The following PLCB1 variants were observed in gnomAD, a reference collection of about 807,000 sequenced individuals.
PLCB1 encodes the protein phospholipase C beta 1, also known as 1-phosphatidylinositol 4,5-bisphosphate phosphodiesterase beta-1.
PLCB1 carries 46 observed loss-of-function variants against 161.8 expected under a neutral mutation model. The observed-to-expected ratio is 0.28, with a 90% CI of 0.22 to 0.36. The LOEUF (loss-of-function observed/expected upper bound fraction) is 0.36. PLCB1 is among the 10% of genes least tolerant of loss of function. PLCB1 has a pLI of 1.00. For synonymous variants in PLCB1, 517 were observed against 503.7 expected (o/e 1.03, Z -0.35); for missense variants, 1,016 against 1,472.5 (o/e 0.69, Z 5.07).
intron 3 of PLCB1, among the ~76,000 whole-genome samples, chr20:8,518,176 G>A (rs1192901216): frequency 1.4e-5 from 2 of 143,332 alleles, no homozygotes; most frequent in African/African-American, 5.3e-5. Flanking sequence ...GGGAGACTCT[G>A]TCTCAAAAAA....
chr20:8,618,323 T>C (rs1988087103), intron 3 of PLCB1, among the ~76,000 whole-genome samples: 1 of 152,176 alleles, frequency 6.6e-6, no homozygotes, highest in Admixed American at 6.5e-5. Flanking sequence ...TTTTTTAAAA[T>C]TAAGAGAGCT....
At chr20:8,276,757 A>T (rs1349686739) in intron 2 of PLCB1, among the ~76,000 whole-genome samples, 1 of 151,988 alleles carries the variant, frequency 6.6e-6, no homozygotes, top group East Asian at 1.9e-4. Flanking sequence ...CCATCTTCAG[A>T]AATTGGCCCT....
intron 23 of PLCB1, among the ~76,000 whole-genome samples, chr20:8,744,607 A>AAAAT (rs1981055087): frequency 8.8e-6 from 1 of 114,250 alleles, no homozygotes; most frequent in Non-Finnish European, 1.8e-5. Context: ...ATGTCTCTTA[A>AAAAT]AAATAAAATA....
chr20:8,769,546 A>G (rs1264976780), intron 26 of PLCB1, among the ~76,000 whole-genome samples: 2 of 152,220 alleles, frequency 1.3e-5, no homozygotes, highest in African/African-American at 4.8e-5. Flanking sequence ...CGTATTGCCA[A>G]AGATAATCCA....
chr20:8,799,360 T>C (rs1446118069), intron 31 of PLCB1, among the ~76,000 whole-genome samples: 3 of 152,198 alleles, frequency 2.0e-5, no homozygotes. Flanking sequence ...TTGGCTTTCA[T>C]CTGCCCACCT....
chr20:8,156,432 A>G (rs2051563743), intron 2 of PLCB1, among the ~76,000 whole-genome samples: 1 of 152,102 alleles, frequency 6.6e-6, no homozygotes, highest in Non-Finnish European at 1.5e-5. Context: ...AAAATAAACT[A>G]CTTTTACTAG....
intron 7 of PLCB1, chr20:8,653,010 G>A (rs1989360985): frequency 1.3e-5 from 2 of 152,018 alleles, no homozygotes. Context: ...CAAACTTTCT[G>A]AGAACTGAAA....
chr20:8,693,677 G>A (rs1386831387), intron 10 of PLCB1, among the ~76,000 whole-genome samples: 1 of 152,134 alleles, frequency 6.6e-6, no homozygotes, highest in African/African-American at 2.4e-5. Context: ...ATGAAAACAG[G>A]CAATTAATCA....
intron 3 of PLCB1, among the ~76,000 whole-genome samples, chr20:8,408,360 T>G (rs1165191670): frequency 6.6e-6 from 1 of 151,484 alleles, no homozygotes; most frequent in Non-Finnish European, 1.5e-5. Context: ...CTGCAGTACA[T>G]GAGGATCACA....
intron 2 of PLCB1, among the ~76,000 whole-genome samples, chr20:8,276,784 G>A (rs1306499550): frequency 6.6e-6 from 1 of 151,936 alleles, no homozygotes; most frequent in Non-Finnish European, 1.5e-5. Context: ...GAATCACCAA[G>A]CCCAGTACTG....
At chr20:8,512,327 T>C (rs1212592932) in intron 3 of PLCB1, among the ~76,000 whole-genome samples, 1 of 152,200 alleles carries the variant, frequency 6.6e-6, no homozygotes, top group African/African-American at 2.4e-5. Context: ...ATAGGTGCTA[T>C]ATTTACAATT....
At chr20:8,274,994 C>A (rs773117980) in intron 2 of PLCB1, among the ~76,000 whole-genome samples, 11 of 152,054 alleles carry the variant, frequency 7.2e-5, no homozygotes, top group African/African-American at 1.2e-4. Flanking sequence ...TGCTTCGATG[C>A]CCCTTTTCAA....
chr20:8,763,263 G>C (rs372332699), intron 25 of PLCB1, among the ~76,000 whole-genome samples: 1 of 152,234 alleles, frequency 6.6e-6, no homozygotes, highest in East Asian at 1.9e-4. Flanking sequence ...GAGCAATGAT[G>C]TGATCGCGGC....
chr20:8,686,699 T>C (rs2123403603), intron 10 of PLCB1, among the ~76,000 whole-genome samples: 1 of 152,310 alleles, frequency 6.6e-6, no homozygotes, highest in Non-Finnish European at 1.5e-5. Flanking sequence ...GACCAAATTG[T>C]CTCAACTTTG....
At chr20:8,822,976 G>C (rs759454111) in intron 31 of PLCB1, among the ~76,000 whole-genome samples, 2 of 152,136 alleles carry the variant, frequency 1.3e-5, no homozygotes, top group Non-Finnish European at 2.9e-5. Flanking sequence ...ATAGATTTTT[G>C]TCCTTGTCGT....
intron 2 of PLCB1, among the ~76,000 whole-genome samples, chr20:8,196,963 C>T (rs568287572): frequency 2.3e-4 from 35 of 152,140 alleles, no homozygotes; most frequent in African/African-American, 7.2e-4. Context: ...ATGATGGTTT[C>T]CAGCTTCATC....
intron 3 of PLCB1, among the ~76,000 whole-genome samples, chr20:8,611,807 A>G (rs1328366268): frequency 6.6e-6 from 1 of 152,026 alleles, no homozygotes; most frequent in Admixed American, 6.6e-5. Context: ...TTAGCTGGGC[A>G]TGGTGGTTCA....
chr20:8,628,856 C>G (rs992238486), intron 4 of PLCB1, among the ~76,000 whole-genome samples: 3 of 152,028 alleles, frequency 2.0e-5, no homozygotes, highest in African/African-American at 7.2e-5. Flanking sequence ...ATCGCTTGAA[C>G]CCAGGAGGTG....
intron 2 of PLCB1, among the ~76,000 whole-genome samples, chr20:8,263,694 G>A (rs1981819458): frequency 6.6e-6 from 1 of 152,134 alleles, no homozygotes; most frequent in Non-Finnish European, 1.5e-5. Flanking sequence ...GTAAGCAATT[G>A]TAACATAATG....
Sources: allele counts gnomAD v4.1 joint callset (sites outside exome capture counted in the v4.1 genomes callset), GRCh38; gene constraint gnomAD v4.1.1; transcripts MANE v1.5; gene names NCBI Gene and HGNC (gene_info 2026-07-23, HGNC 2026-07-21).